Variants in PLCG1 observed in about 807,000 individuals in gnomAD.
PLCG1 encodes phospholipase C gamma 1.
Under a neutral mutation model 177.8 loss-of-function variants are expected in PLCG1, and 71 were observed. The observed-to-expected ratio is 0.40, with a 90% CI of 0.33 to 0.49. The LOEUF is 0.49. Ranked by LOEUF, PLCG1 falls within the 20% of genes least tolerant of loss-of-function variation. The pLI is 0.72. For missense variants in PLCG1, 1,281 were observed against 1,709.0 expected, an observed-to-expected ratio of 0.75 and a Z score of 4.42; for synonymous variants, 658 against 647.9, an observed-to-expected ratio of 1.02 and a Z score of -0.24.
chr20:41,164,297 C>A lies in PLCG1; in HGVS notation c.1217+96C>A. 2 of 1,240,140 alleles carry A rather than the reference C, an allele frequency of 1.6e-6. No individual in the cohort carries two copies. Among genetic ancestry groups the A allele is most frequent in the Non-Finnish European group, 2.3e-6 (2 of 858,776 alleles). The allele number at this position is 1,240,140 out of a possible 1,614,324, so 76.8% of individuals were successfully genotyped here. A position where few individuals can be genotyped will look rare whatever the true frequency, so the allele number is the denominator to read the frequency against. ...AGAAAGACTCCTCAAATGCCCTGTCCCCTCTCCCTCAGCCTTTCATCTTTG... is the reference window on the plus strand; with the variant it reads ...AGAAAGACTCCTCAAATGCCCTGTCACCTCTCCCTCAGCCTTTCATCTTTG... On this transcript the variant is annotated intron_variant, in intron 12 of 31. Coordinates refer to ENST00000685551, the MANE Select transcript of PLCG1 (RefSeq NM_002660.3). This position sits in a 1 kb window ranked among gnomAD's most constrained non-coding sequence, Gnocchi z 6.4.
rs763123533 is a variant in PLCG1, at chr20:41,165,434, C to T, written c.1510-16C>T. The T allele has an allele frequency of 6.2e-7, 1 of 1,613,950 alleles. No homozygotes were observed. The highest frequency in any genetic ancestry group is 8.5e-7 in the Non-Finnish European group (1 of 1,179,882). On this transcript the variant is annotated splice_polypyrimidine_tract_variant and intron_variant, in intron 14 of 31. Coordinates refer to ENST00000685551, the MANE Select transcript of PLCG1 (RefSeq NM_002660.3). The surrounding 1 kb of genome is among the most constrained non-coding windows in gnomAD (Gnocchi z 6.6). The stretch of plus-strand genomic sequence containing the variant: ...TGAGGACCCTGGCTCACAAGTCCCT[C>T]TTTGGTCTGTTCCAGGAATGGTATC...
intron 24 of PLCG1, among the ~76,000 whole-genome samples, chr20:41,171,534 C>T (rs2035895194): frequency 7.0e-6 from 1 of 143,364 alleles, no homozygotes. Flanking sequence ...TTGCAGTGAG[C>T]CGAGATCACG....
rs986204315 is a variant in PLCG1 at position 41,137,966 on chromosome 20, C to T, written c.217+108C>T. ...CGCCCCAGCGACTTGGGCAAACTTT[C>T]GGGCCCTCCCAGACTCCCTCCGGGC... On this transcript the variant is annotated intron_variant, in intron 1 of 31. Transcript: ENST00000685551. This position sits in a 1 kb window ranked among gnomAD's most constrained non-coding sequence, Gnocchi z 7.3. 5 of 761,904 alleles carry T rather than the reference C, an allele frequency of 6.6e-6. No individual in the cohort carries two copies. The highest frequency in any genetic ancestry group is 9.0e-6 in the Non-Finnish European group (5 of 553,502). 47.2% of individuals were successfully genotyped at this position (761,904 alleles called of 1,614,324 possible).
intron 1 of PLCG1, among the ~76,000 whole-genome samples, chr20:41,143,316 A>G (rs1048524246): frequency 6.6e-6 from 1 of 152,204 alleles, no homozygotes; most frequent in Non-Finnish European, 1.5e-5. Context: ...ATGTGGCTTC[A>G]AGGAGACCAC....
intron 1 of PLCG1, among the ~76,000 whole-genome samples, chr20:41,145,127 A>G (rs895031933): frequency 3.3e-5 from 5 of 152,162 alleles, no homozygotes; most frequent in Non-Finnish European, 5.9e-5. Context: ...GTGTGCTGTG[A>G]TAACAAATGA....
In PLCG1 at chr20:41,176,884, A is replaced by G. The variant is rs779180144; in HGVS notation, c.*2375A>G. 6.6e-6 allele frequency: 1 copy of G among 152,268 alleles called. No individual in the cohort carries two copies. Among genetic ancestry groups the G allele is most frequent in the Non-Finnish European group, 1.5e-5 (1 of 68,072 alleles). The allele number at this position is 152,268 out of a possible 1,614,324, so 9.4% of individuals were successfully genotyped here. On this transcript the variant is annotated 3_prime_UTR_variant, in exon 32 of 32. Coordinates refer to ENST00000685551, the MANE Select transcript of PLCG1 (RefSeq NM_002660.3). ...AGGAGTTGTTTGCCCCATCCCATGC[A>G]TGCAGGCCGTGTCCCTACAGTGCGA...
In PLCG1 at chr20:41,173,296, A is replaced by G. The variant is rs1489169588; in HGVS notation, c.3280-124A>G. The G allele has an allele frequency of 2.1e-6, 2 of 936,046 alleles. No individual in the cohort carries two copies. Among genetic ancestry groups the G allele is most frequent in the East Asian group, 2.6e-5 (1 of 37,740 alleles). The allele number at this position is 936,046 out of a possible 1,614,324, so 58.0% of individuals were successfully genotyped here. A position where few individuals can be genotyped will look rare whatever the true frequency, so the allele number is the denominator to read the frequency against. On this transcript the variant is annotated intron_variant, in intron 27 of 31. Coordinates refer to ENST00000685551, the MANE Select transcript of PLCG1 (RefSeq NM_002660.3). The surrounding 1 kb of genome is among the most constrained non-coding windows in gnomAD (Gnocchi z 6.2). ...TGATGTCGTGAGGGACTCCATGGGC[A>G]GTGTCCCGGGGGCCCAGCAGAGGGC...
intron 1 of PLCG1, among the ~76,000 whole-genome samples, chr20:41,142,983 A>G (rs1050065140): frequency 3.3e-5 from 5 of 152,176 alleles, no homozygotes; most frequent in Non-Finnish European, 5.9e-5. Flanking sequence ...TTCAGAGGCA[A>G]GGAGGCCCGC....
chr20:41,165,807 G>C lies in PLCG1; in HGVS notation c.1780G>C (p.Asp594His). ...LVRESETFVG[D>H]YTLSFWRNGK... is the part of the protein sequence containing the mutation. ...GCGAGAGAGTGAGACCTTCGTGGGC[G>C]ACTACACGCTCTCTTTCTGGTAACA... The change falls in exon 16 of 32, where the codon GAC becomes CAC. Residue 594 changes from aspartate (D) to histidine (H), a missense_variant. Transcript: ENST00000685551. The surrounding 1 kb of genome is among the most constrained non-coding windows in gnomAD (Gnocchi z 6.6). 1 of 1,590,378 alleles carries C rather than the reference G, an allele frequency of 6.3e-7. No homozygotes were observed. Among genetic ancestry groups the C allele is most frequent in the Non-Finnish European group, 8.6e-7 (1 of 1,164,806 alleles).
At chr20:41,154,758 C>G (rs1248726167) in intron 1 of PLCG1, among the ~76,000 whole-genome samples, 1 of 152,156 alleles carries the variant, frequency 6.6e-6, no homozygotes, top group Non-Finnish European at 1.5e-5. Flanking sequence ...ATAGCTTGTC[C>G]CTTCGACAGC....
rs2035365459 is a variant in PLCG1 at position 41,157,649 on chromosome 20, G to A, written c.218-1957G>A. On this transcript the variant is annotated intron_variant, in intron 1 of 31. Transcript: ENST00000685551. This position sits in a 1 kb window ranked among gnomAD's most constrained non-coding sequence, Gnocchi z 5.4. ...GGCATCAAGTGTATTAGTACCACAGGAAGGAGCTTCTCAGTTGGGCCCTTG... is the reference window on the plus strand; with the variant it reads ...GGCATCAAGTGTATTAGTACCACAGAAAGGAGCTTCTCAGTTGGGCCCTTG... 6.6e-6 allele frequency among the ~76,000 whole-genome samples: 1 copy of A among 152,232 alleles called. No individual in the cohort carries two copies. Among genetic ancestry groups the A allele is most frequent in the African/African-American group, 2.4e-5 (1 of 41,472 alleles).
chr20:41,166,349 G>A lies in PLCG1; in HGVS notation c.1955G>A (p.Arg652Gln), dbSNP rs1010370555. 7 of 1,614,014 alleles carry A rather than the reference G, an allele frequency of 4.3e-6. No individual in the cohort carries two copies. Among genetic ancestry groups the A allele is most frequent in the Non-Finnish European group, 5.1e-6 (6 of 1,180,056 alleles). The change falls in exon 17 of 32, where the codon CGA (arginine) becomes CAA (glutamine). Residue 652 changes from arginine to glutamine, a missense_variant. Coordinates refer to ENST00000685551, the MANE Select transcript of PLCG1 (RefSeq NM_002660.3). The surrounding 1 kb of genome is among the most constrained non-coding windows in gnomAD (Gnocchi z 8.6). ...VPLRCNEFEM[R>Q]LSEPVPQTNA... ...CTGCGCTGTAATGAGTTTGAGATGC[G>A]ACTTTCAGAGCCTGTCCCACAGACC...
In PLCG1 at chr20:41,165,330, A is replaced by G; in HGVS notation, c.1472A>G (p.Lys491Arg). 6.2e-7 allele frequency: 1 copy of G among 1,614,178 alleles called. No homozygotes were observed. Among genetic ancestry groups the G allele is most frequent in the Non-Finnish European group, 8.5e-7 (1 of 1,180,014 alleles). The change falls in exon 14 of 32, where the codon AAG (lysine) becomes AGG (arginine). Residue 491 changes from lysine (K) to arginine (R), a missense_variant. Physicochemically the swap from Lys to Arg is conservative, Grantham distance 26. Around this residue, in one of 4 missense-constraint regions of PLCG1, gnomAD observed 723 missense variants for 1,030.0 expected, o/e 0.70. Transcript: ENST00000685551. The surrounding 1 kb of genome is among the most constrained non-coding windows in gnomAD (Gnocchi z 6.6). ...YSENDISNSI[K>R]NGILYLEDPV... ...GAGAACGACATCAGCAACTCTATCA[A>G]GAATGGCATCCTCTACCTGGAGGAC... is the stretch of plus-strand genomic sequence containing the variant.
At position 41,163,857 on chromosome 20, in the gene PLCG1, A is replaced by T; in HGVS notation, c.1010+24A>T. On this transcript the variant is annotated intron_variant, in intron 10 of 31. Coordinates refer to ENST00000685551, the MANE Select transcript of PLCG1 (RefSeq NM_002660.3). The surrounding 1 kb of genome is among the most constrained non-coding windows in gnomAD (Gnocchi z 5.2). ...ACGTGAGTGTGGCTCCTTCAGGCCC[A>T]CCCAGCTTCTTCCCCAGGAGGGCCC... is the stretch of plus-strand genomic sequence containing the variant. The T allele has an allele frequency of 6.2e-7, 1 of 1,607,982 alleles. No homozygotes were observed. The highest frequency in any genetic ancestry group is 8.5e-7 in the Non-Finnish European group (1 of 1,174,492).
At chr20:41,161,821 G>A (rs190719707) in intron 4 of PLCG1, among the ~76,000 whole-genome samples, 132 of 151,462 alleles carry the variant, frequency 8.7e-4, no homozygotes, top group South Asian at 2.3e-3. Flanking sequence ...CTCACATCCT[G>A]GGCAGGACAC....
At position 41,172,370 on chromosome 20, in the gene PLCG1, AAC is replaced by A; in HGVS notation, c.2906-48_2906-47del. 6.3e-7 allele frequency: 1 copy of A among 1,590,404 alleles called. No individual in the cohort carries two copies. Among genetic ancestry groups the A allele is most frequent in the South Asian group, 1.1e-5 (1 of 90,630 alleles). ...AAAAAGAGTATTTAGGTATCCCCCCAACACTTCCTGGGTGGGCGGGCTCTGTA... is the reference window on the plus strand; with the variant it reads ...AAAAAGAGTATTTAGGTATCCCCCCAACTTCCTGGGTGGGCGGGCTCTGTA... On this transcript the variant is annotated intron_variant, in intron 25 of 31. Coordinates refer to ENST00000685551, the MANE Select transcript of PLCG1 (RefSeq NM_002660.3). This position sits in a 1 kb window ranked among gnomAD's most constrained non-coding sequence, Gnocchi z 7.0.
Position 41,177,441 on chromosome 20 carries a change from CTGAGAGCTTGAACATCACT to C in PLCG1, c.*2933_*2951del, listed in dbSNP as rs1279712513. On this transcript the variant is annotated 3_prime_UTR_variant, in exon 32 of 32. Coordinates refer to ENST00000685551, the MANE Select transcript of PLCG1 (RefSeq NM_002660.3). The stretch of plus-strand genomic sequence containing the variant: ...TGACCAAGCACATCTTGAACATCAC[CTGAGAGCTTGAACATCACT>C]AAGGACCTAGACACTCACTTGTCTT... 1.3e-5 allele frequency: 2 copies of C among 152,232 alleles called. No homozygotes were observed. The highest frequency in any genetic ancestry group is 2.9e-5 in the Non-Finnish European group (2 of 68,046). 9.4% of individuals were successfully genotyped at this position (152,232 alleles called of 1,614,324 possible).
chr20:41,159,832 A>G lies in PLCG1; in HGVS notation c.371-38A>G. 1 of 1,612,110 alleles carries G rather than the reference A, an allele frequency of 6.2e-7. No individual in the cohort carries two copies. The highest frequency in any genetic ancestry group is 8.5e-7 in the Non-Finnish European group (1 of 1,178,126). On this transcript the variant is annotated intron_variant, in intron 2 of 31. Coordinates refer to ENST00000685551, the MANE Select transcript of PLCG1 (RefSeq NM_002660.3). This position sits in a 1 kb window ranked among gnomAD's most constrained non-coding sequence, Gnocchi z 6.0. ...TGCTGGCTCCTGCCCAGTGGGAGGT[A>G]TGTGCCCTCGGGGCAGCTATTGATA...
rs987386187 is a variant in PLCG1, at chr20:41,173,291, T to C, written c.3280-129T>C. On this transcript the variant is annotated intron_variant, in intron 27 of 31. Transcript: ENST00000685551. The surrounding 1 kb of genome is among the most constrained non-coding windows in gnomAD (Gnocchi z 6.2). The stretch of plus-strand genomic sequence containing the variant: ...GTCCCTGATGTCGTGAGGGACTCCA[T>C]GGGCAGTGTCCCGGGGGCCCAGCAG... The C allele has an allele frequency of 1.2e-4, 104 of 903,656 alleles. No individual in the cohort carries two copies. The highest frequency in any genetic ancestry group is 2.6e-4 in the Admixed American group (9 of 34,480). The allele number at this position is 903,656 out of a possible 1,614,324, so 56.0% of individuals were successfully genotyped here. A position where few individuals can be genotyped will look rare whatever the true frequency, so the allele number is the denominator to read the frequency against.
Sources: allele counts gnomAD v4.1 joint callset (sites outside exome capture counted in the v4.1 genomes callset), GRCh38; gene constraint gnomAD v4.1.1; regional missense constraint gnomAD v4.1.1; non-coding constraint Gnocchi (gnomAD v3.1); transcripts MANE v1.5; gene names NCBI Gene and HGNC (gene_info 2026-07-23, HGNC 2026-07-21).